Variants in PVT1 observed in about 807,000 individuals in gnomAD.
PVT1 encodes the protein CXCR4/PVT1 fusion.
chr8:128,052,729 A>G (rs558355137), intron 4 of PVT1, among the ~76,000 whole-genome samples: 1 of 152,358 alleles, frequency 6.6e-6, no homozygotes, highest in South Asian at 2.1e-4. Context: ...CAGTCATAAC[A>G]ATAAAAACCA....
intron 3 of PVT1, among the ~76,000 whole-genome samples, chr8:127,968,291 C>T (rs1310060633): frequency 3.3e-5 from 5 of 151,250 alleles, no homozygotes; most frequent in Non-Finnish European, 7.4e-5. Flanking sequence ...GGCTTCCTAA[C>T]TGTTGCAGGT....
chr8:127,872,017 G>A (rs1394575576), intron 2 of PVT1, among the ~76,000 whole-genome samples: 1 of 152,044 alleles, frequency 6.6e-6, no homozygotes, highest in Non-Finnish European at 1.5e-5. Context: ...ACTTGAAGCC[G>A]GGAGGCGGAG....
chr8:128,095,851 A>G (rs1451769545), intron 5 of PVT1, among the ~76,000 whole-genome samples: 1 of 152,230 alleles, frequency 6.6e-6, no homozygotes, highest in East Asian at 1.9e-4. Context: ...TAAGATACTT[A>G]TGGAGACTTT....
At chr8:127,996,044 T>A (rs62512837) in intron 4 of PVT1, among the ~76,000 whole-genome samples, 3 of 151,858 alleles carry the variant, frequency 2.0e-5, no homozygotes, top group Non-Finnish European at 4.4e-5. Context: ...AGCAGACACC[T>A]TCTCCTCCCT....
Position 127,934,731 on chromosome 8 carries a change from C to A in PVT1, n.782+43733C>A, listed in dbSNP as rs183070185. Among the ~76,000 whole-genome samples, 7 of 152,250 alleles carry A rather than the reference C, an allele frequency of 4.6e-5. No individual in the cohort carries two copies. The East Asian group carries it at 1.3e-3, about 29-fold the overall frequency. ...TTTGTTCCTTGGGGTAAGGGTCTAC[C>A]TCCAGGTGTGTGGGGAAAAGTTGAG... On this transcript the variant is annotated intron_variant and non_coding_transcript_variant, in intron 3 of 10. Transcript: ENST00000651587.
At chr8:127,822,160 T>G (rs1254191850) in intron 2 of PVT1, among the ~76,000 whole-genome samples, 1 of 152,262 alleles carries the variant, frequency 6.6e-6, no homozygotes, top group Non-Finnish European at 1.5e-5. Flanking sequence ...TCTGGCCCGT[T>G]TTAAGAGCTC....
chr8:127,825,137 A>AG (rs1321857020), intron 2 of PVT1, among the ~76,000 whole-genome samples: 7 of 151,718 alleles, frequency 4.6e-5, no homozygotes, highest in Admixed American at 1.3e-4. Context: ...AAAAAAAAAA[A>AG]AAAGAACATT....
At chr8:127,940,565 CATAAT>C (rs1199709281) in intron 3 of PVT1, 4 of 149,178 alleles carry the variant, frequency 2.7e-5, no homozygotes, top group Non-Finnish European at 5.9e-5. Context: ...ATTTATATAA[CATAAT>C]ATATTAATGC....
At chr8:127,798,788 A>T (rs1814428994) in intron 2 of PVT1, among the ~76,000 whole-genome samples, 1 of 151,714 alleles carries the variant, frequency 6.6e-6, no homozygotes, top group East Asian at 1.9e-4. Flanking sequence ...AGGTAGGAAG[A>T]TCTCTTGAAC....
chr8:128,008,846 G>A, intron 4 of PVT1: 1 of 468,666 alleles, frequency 2.1e-6, no homozygotes, highest in South Asian at 1.6e-5. Flanking sequence ...AACACAGCCA[G>A]GTCCATCTAG....
chr8:127,958,309 C>T (rs1372134809), intron 3 of PVT1, among the ~76,000 whole-genome samples: 1 of 151,722 alleles, frequency 6.6e-6, no homozygotes, highest in Non-Finnish European at 1.5e-5. Context: ...GCGCGATATC[C>T]ACTCACTGCA....
At chr8:127,866,593 G>T (rs1018785894) in intron 2 of PVT1, among the ~76,000 whole-genome samples, 1 of 152,160 alleles carries the variant, frequency 6.6e-6, no homozygotes, top group Admixed American at 6.5e-5. Flanking sequence ...TGGGGTGGTC[G>T]CAGGGGGAAG....
chr8:127,928,007 G>A (rs959193890), intron 3 of PVT1, among the ~76,000 whole-genome samples: 7 of 152,210 alleles, frequency 4.6e-5, no homozygotes, highest in Admixed American at 3.9e-4. Context: ...TGGTAGAGGG[G>A]CCATCTCCCA....
chr8:127,947,327 T>C (rs1816433445), intron 3 of PVT1: 1 of 227,506 alleles, frequency 4.4e-6, no homozygotes, highest in Non-Finnish European at 8.9e-6. Context: ...GTAAATGGAG[T>C]TGATGGAGGC....
chr8:128,076,638 C>T (rs1234537234), intron 5 of PVT1, among the ~76,000 whole-genome samples: 3 of 152,152 alleles, frequency 2.0e-5, no homozygotes, highest in Admixed American at 1.3e-4. Context: ...CTTCTCTGGG[C>T]TTCCGTCTAT....
At chr8:127,854,587 C>A (rs964807544) in intron 2 of PVT1, 1 of 152,242 alleles carries the variant, frequency 6.6e-6, no homozygotes, top group African/African-American at 2.4e-5. Flanking sequence ...TTCAGAGATA[C>A]ATTCCTCAAT....
At chr8:128,028,135 TC>T (rs1197362421) in intron 4 of PVT1, among the ~76,000 whole-genome samples, 1 of 152,136 alleles carries the variant, frequency 6.6e-6, no homozygotes, top group Admixed American at 6.5e-5. Flanking sequence ...TCCAGCCAGG[TC>T]CCCCAGCCTG....
At position 127,881,435 on chromosome 8, in the gene PVT1, ATAT is replaced by A. The variant is rs79735415; in HGVS notation, n.373-9125_373-9123del. ...TATTATTATTAATATTATTGTTATTATATTATTATTATTATTATTATTATTATT... is the reference window on the plus strand; with the variant it reads ...TATTATTATTAATATTATTGTTATTATATTATTATTATTATTATTATTATT... On this transcript the variant is annotated intron_variant and non_coding_transcript_variant, in intron 2 of 10. Transcript: ENST00000651587. Among the ~76,000 whole-genome samples, 314 of 100,824 alleles carry A rather than the reference ATAT, an allele frequency of 3.1e-3. 3 individuals carry two copies. The highest frequency in any genetic ancestry group is 0.02 in the Middle Eastern group (5 of 246). 66.1% of individuals were successfully genotyped at this position (100,824 alleles called of 152,430 possible).
At chr8:127,801,985 G>A (rs978425762) in intron 2 of PVT1, among the ~76,000 whole-genome samples, 2 of 151,674 alleles carry the variant, frequency 1.3e-5, no homozygotes, top group African/African-American at 2.4e-5. Context: ...GCATGATCTC[G>A]GCTCATTGCA....
Sources: gnomAD v4.1 joint callset for allele counts (sites outside exome capture counted in the v4.1 genomes callset) on GRCh38, gnomAD v4.1.1 for gene constraint, MANE v1.5 for transcripts, NCBI Gene and HGNC (gene_info 2026-07-23, HGNC 2026-07-21) for gene names.